The following PLCE1 variants were observed in gnomAD, a reference collection of about 807,000 sequenced individuals.
The protein encoded by PLCE1 is phospholipase C epsilon 1.
A neutral mutation model predicts 242.8 loss-of-function variants in PLCE1; 119 were observed. That is an observed-to-expected ratio of 0.49 (90% CI 0.42 to 0.57). The LOEUF (loss-of-function observed/expected upper bound fraction) is 0.57, where lower values mean the gene tolerates loss of function less well. PLCE1 is among the 20% of genes least tolerant of loss of function. PLCE1 has a pLI of 0.00. For synonymous variants in PLCE1, 945 were observed against 1,017.4 expected, an observed-to-expected ratio of 0.93 and a Z score of 1.35; for missense variants, 2,441 against 2,788.8, an observed-to-expected ratio of 0.88 and a Z score of 2.81.
At chr10:94,011,766 C>CA (rs1554838611) in intron 1 of PLCE1, among the ~76,000 whole-genome samples, 6 of 151,436 alleles carry the variant, frequency 4.0e-5, no homozygotes, top group African/African-American at 7.3e-5. Context: ...TAGCCTCTTC[C>CA]TTTTTTTTTC....
At chr10:94,317,747 T>C (rs2053626730) in intron 29 of PLCE1, among the ~76,000 whole-genome samples, 2 of 152,016 alleles carry the variant, frequency 1.3e-5, no homozygotes. Flanking sequence ...TTTTTTTCCC[T>C]GAATTAACTG....
chr10:94,085,660 A>G (rs1191800915), intron 2 of PLCE1, among the ~76,000 whole-genome samples: 2 of 152,188 alleles, frequency 1.3e-5, no homozygotes. Flanking sequence ...TAAAGGGGGA[A>G]CTAGTCAGCC....
intron 1 of PLCE1, among the ~76,000 whole-genome samples, chr10:94,027,648 C>T (rs760742376): frequency 5.9e-5 from 9 of 152,012 alleles, no homozygotes; most frequent in Middle Eastern, 3.2e-3. Context: ...GGTGAAACCC[C>T]GTCTCCACTA....
intron 26 of PLCE1, 151 bp from the exon 27 acceptor site, chr10:94,308,430 T>G (rs2053276659): frequency 1.3e-6 from 1 of 756,972 alleles, no homozygotes; most frequent in African/African-American, 1.7e-5. Flanking sequence ...GGGGCAGCAC[T>G]CTCTTGGCGA....
chr10:94,256,119 G>A (rs905237513), intron 11 of PLCE1, among the ~76,000 whole-genome samples: 4 of 151,592 alleles, frequency 2.6e-5, no homozygotes, highest in Admixed American at 2.6e-4. Flanking sequence ...GAGCCCCCAG[G>A]AATTCGAGAC....
chr10:94,332,117 C>G lies in PLCE1; in HGVS notation c.*4174C>G, dbSNP rs1349408137. 1.3e-5 allele frequency: 2 copies of G among 152,270 alleles called. No homozygotes were observed. Among genetic ancestry groups the G allele is most frequent in the African/African-American group, 4.8e-5 (2 of 41,424 alleles). 9.4% of individuals were successfully genotyped at this position (152,270 alleles called of 1,614,324 possible). The stretch of plus-strand genomic sequence containing the variant: ...AACTCCTGACCTCGTGATCCACCCG[C>G]CTCAGCCTCCCAAAGTGCTGGGATT... On this transcript the variant is annotated 3_prime_UTR_variant, in exon 33 of 33. Transcript: ENST00000371380.
intron 19 of PLCE1, among the ~76,000 whole-genome samples, chr10:94,276,099 A>T (rs1266685102): frequency 1.3e-5 from 2 of 152,168 alleles, no homozygotes; most frequent in Non-Finnish European, 2.9e-5. Flanking sequence ...GCAGTTTCTC[A>T]AACTGTGTCT....
At chr10:94,128,930 C>T (rs11187792) in intron 2 of PLCE1, among the ~76,000 whole-genome samples, 2 of 152,048 alleles carry the variant, frequency 1.3e-5, no homozygotes, top group African/African-American at 4.8e-5. Flanking sequence ...CTCAGTGTTA[C>T]CAGATTGTTT....
chr10:94,268,114 TATAGAGTTG>T (rs1439059400), intron 16 of PLCE1, among the ~76,000 whole-genome samples: 1 of 152,212 alleles, frequency 6.6e-6, no homozygotes, highest in African/African-American at 2.4e-5. Flanking sequence ...AAGCAAACTT[TATAGAGTTG>T]CAACCCAAGC....
At chr10:94,179,511 A>ATTTTTTTTTTTTT (rs1564761610) in intron 4 of PLCE1, among the ~76,000 whole-genome samples, 1 of 12,416 alleles carries the variant, frequency 8.1e-5, no homozygotes, top group African/African-American at 2.5e-4. Flanking sequence ...ATTTTAGTTT[A>ATTTTTTTTTTTTT]GTTTTTTTTT....
intron 22 of PLCE1, among the ~76,000 whole-genome samples, chr10:94,285,301 C>T (rs1589476099): frequency 6.6e-6 from 1 of 152,236 alleles, no homozygotes; most frequent in Non-Finnish European, 1.5e-5. Context: ...CTTTACCGTT[C>T]ATAATGATTC....
At chr10:94,186,227 C>T (rs946983228) in intron 4 of PLCE1, among the ~76,000 whole-genome samples, 4 of 152,196 alleles carry the variant, frequency 2.6e-5, no homozygotes, top group African/African-American at 9.6e-5. Context: ...TCTTCCTTCT[C>T]TCAATTGGGT....
chr10:94,221,704 C>A (rs2049752651), intron 4 of PLCE1, among the ~76,000 whole-genome samples: 1 of 152,016 alleles, frequency 6.6e-6, no homozygotes, highest in South Asian at 2.1e-4. Flanking sequence ...CATTGCACTC[C>A]AGCTGGGCAA....
chr10:94,313,224 G>A lies in PLCE1; in HGVS notation c.6004-30G>A, dbSNP rs1290809746. ...AGCTTAGAAATATGTGATTACGGATGAATGATCAGCCATGTGATCTTCTTG... is the reference window on the plus strand; with the variant it reads ...AGCTTAGAAATATGTGATTACGGATAAATGATCAGCCATGTGATCTTCTTG... On this transcript the variant is annotated intron_variant, in intron 27 of 32. Transcript: ENST00000371380. The A allele has an allele frequency of 1.9e-6, 3 of 1,611,968 alleles. No homozygotes were observed. The South Asian group carries it at 3.3e-5, about 18-fold the overall frequency.
At chr10:94,262,839 T>G (rs970490684) in intron 14 of PLCE1, 107 bp downstream of exon 14, 13 of 892,716 alleles carry the variant, frequency 1.5e-5, no homozygotes, top group Non-Finnish European at 2.3e-5. Flanking sequence ...AGCCTTTAAA[T>G]CTGGGACAGA....
intron 4 of PLCE1, among the ~76,000 whole-genome samples, chr10:94,201,266 G>C (rs372350067): frequency 0.011 from 1,729 of 152,196 alleles, 11 homozygotes; most frequent in Middle Eastern, 0.031. Flanking sequence ...TTGTCAAAAA[G>C]CTCAGTTTCT....
rs929876477 is a variant in PLCE1, at chr10:94,328,772, T to A, written c.*829T>A. The A allele has an allele frequency of 2.4e-4, 36 of 152,188 alleles. No homozygotes were observed. The highest frequency in any genetic ancestry group is 1.8e-4 in the Non-Finnish European group (12 of 68,022). 9.4% of individuals were successfully genotyped at this position (152,188 alleles called of 1,614,324 possible). On this transcript the variant is annotated 3_prime_UTR_variant, in exon 33 of 33. Coordinates refer to ENST00000371380, the MANE Select transcript of PLCE1 (RefSeq NM_016341.4). ...AGGATTTTTTTACATATAGAAATAA[T>A]ATTGGGTTTTTTTTAAGGTTATTGC...
intron 3 of PLCE1, among the ~76,000 whole-genome samples, chr10:94,163,511 A>T (rs1403603722): frequency 6.6e-6 from 1 of 151,980 alleles, no homozygotes; most frequent in East Asian, 1.9e-4. Flanking sequence ...TTTGCTTGGT[A>T]GATCTTCCTC....
intron 3 of PLCE1, among the ~76,000 whole-genome samples, chr10:94,162,400 G>A (rs2047647170): frequency 6.6e-6 from 1 of 152,114 alleles, no homozygotes; most frequent in Non-Finnish European, 1.5e-5. Flanking sequence ...TGTATGTGTG[G>A]AGGAATTTAT....
Sources: gnomAD v4.1 joint callset for allele counts (sites outside exome capture counted in the v4.1 genomes callset) on GRCh38, gnomAD v4.1.1 for gene constraint, MANE v1.5 for transcripts, NCBI Gene and HGNC (gene_info 2026-07-23, HGNC 2026-07-21) for gene names.